ADGRL2: variants seen among roughly 807,000 people sequenced by gnomAD.
ADGRL2 encodes adhesion G protein-coupled receptor L2.
Under a neutral mutation model 157.4 loss-of-function variants are expected in ADGRL2, and 44 were observed. That is an observed-to-expected ratio of 0.28 (90% CI 0.22 to 0.36). The LOEUF (loss-of-function observed/expected upper bound fraction) is 0.36, where lower values mean the gene tolerates loss of function less well. Ranked by LOEUF, ADGRL2 falls within the 10% of genes least tolerant of loss-of-function variation. The pLI is 1.00. For missense variants in ADGRL2, 1,510 were observed against 1,768.9 expected (o/e 0.85, Z 2.63); for synonymous variants, 585 against 624.7 (o/e 0.94, Z 0.95).
At chr1:81,503,290 G>A in intron 2 of ADGRL2, 1 of 1,614,194 alleles carries the variant, frequency 6.2e-7, no homozygotes, top group Non-Finnish European at 8.5e-7. Flanking sequence ...GGACATCGAT[G>A]GCACCACCTA....
chr1:81,832,325 A>G (rs1044565917), intron 1 of ADGRL2, among the ~76,000 whole-genome samples: 2 of 152,064 alleles, frequency 1.3e-5, no homozygotes, highest in Admixed American at 6.6e-5. Context: ...GTGTATTTTT[A>G]GTAGAGACGG....
chr1:81,784,046 A>T (rs913543501), intron 2 of ADGRL2, among the ~76,000 whole-genome samples: 2 of 152,204 alleles, frequency 1.3e-5, no homozygotes, highest in East Asian at 3.8e-4. Context: ...ACAGCTTGAA[A>T]ATGATGAAGC....
chr1:81,659,651 C>T (rs2082612573), intron 3 of ADGRL2, among the ~76,000 whole-genome samples: 1 of 152,162 alleles, frequency 6.6e-6, no homozygotes, highest in African/African-American at 2.4e-5. Context: ...TGTGCAAAGA[C>T]ACTTAATAAG....
chr1:81,759,787 A>G (rs1233532592), intron 1 of ADGRL2, among the ~76,000 whole-genome samples: 1 of 152,098 alleles, frequency 6.6e-6, no homozygotes, highest in Non-Finnish European at 1.5e-5. Flanking sequence ...ATTTTGCTTT[A>G]TCTTTATTTT....
intron 2 of ADGRL2, among the ~76,000 whole-genome samples, chr1:81,787,966 A>T (rs1156273029): frequency 6.6e-6 from 1 of 152,196 alleles, no homozygotes; most frequent in African/African-American, 2.4e-5. Flanking sequence ...GAGCTCAAAC[A>T]TTAAAATGTT....
intron 2 of ADGRL2, among the ~76,000 whole-genome samples, chr1:81,881,398 G>A (rs748559159): frequency 2.6e-5 from 4 of 152,116 alleles, no homozygotes; most frequent in Non-Finnish European, 4.4e-5. Context: ...GGATGGTCTC[G>A]ATCTCCTGAC....
intron 2 of ADGRL2, among the ~76,000 whole-genome samples, chr1:81,904,422 G>T (rs577899557): frequency 6.6e-6 from 1 of 152,076 alleles, no homozygotes; most frequent in Non-Finnish European, 1.5e-5. Flanking sequence ...TGTTGCTATA[G>T]GAAAATACTC....
chr1:81,375,854 A>AT (rs749370702), intron 1 of ADGRL2, among the ~76,000 whole-genome samples: 6,723 of 148,974 alleles, frequency 0.045, 195 homozygotes, highest in Middle Eastern at 0.094. Flanking sequence ...GGATTTAATG[A>AT]TTTTTTTTTT....
chr1:81,351,884 G>C (rs2100838705), intron 1 of ADGRL2, among the ~76,000 whole-genome samples: 1 of 152,282 alleles, frequency 6.6e-6, no homozygotes, highest in Non-Finnish European at 1.5e-5. Context: ...CGGCTCCCTT[G>C]TTCTAAAATT....
At chr1:81,869,932 G>T (rs1437963166) in intron 2 of ADGRL2, among the ~76,000 whole-genome samples, 1 of 151,974 alleles carries the variant, frequency 6.6e-6, no homozygotes, top group Non-Finnish European at 1.5e-5. Flanking sequence ...TGTAAAATAT[G>T]TTTAATGGCT....
intron 3 of ADGRL2, among the ~76,000 whole-genome samples, chr1:81,604,828 AAG>A (rs1196581010): frequency 1.3e-5 from 2 of 152,160 alleles, no homozygotes; most frequent in Non-Finnish European, 2.9e-5. Flanking sequence ...AGAGAGGGGA[AAG>A]AGAGGATAGA....
At chr1:81,406,135 A>T (rs926872742) in intron 1 of ADGRL2, among the ~76,000 whole-genome samples, 1 of 152,230 alleles carries the variant, frequency 6.6e-6, no homozygotes, top group Non-Finnish European at 1.5e-5. Context: ...TAGCTGCAGT[A>T]TGAAAGATTT....
Position 81,490,130 on chromosome 1 carries a change from CTT to C in ADGRL2, c.-248+45057_-248+45058del, listed in dbSNP as rs59757979. 7.4e-3 allele frequency among the ~76,000 whole-genome samples: 982 copies of C among 132,418 alleles called. 10 individuals are homozygous for C. The highest frequency in any genetic ancestry group is 0.025 in the South Asian group (104 of 4,154). 86.9% of individuals were successfully genotyped at this position (132,418 alleles called of 152,430 possible). A position where few individuals can be genotyped will look rare whatever the true frequency, so the allele number is the denominator to read the frequency against. Reference sequence around the variant, plus strand: ...CATGATTTGAGCGACTTAACATATTCTTTTTTTTTTTTTTTTTCGAGACAGAG... The same window carrying C: ...CATGATTTGAGCGACTTAACATATTCTTTTTTTTTTTTTTTCGAGACAGAG... On this transcript the variant is annotated intron_variant, in intron 2 of 24. Coordinates refer to the ADGRL2 transcript ENST00000370721.
chr1:81,494,298 T>A (rs1448987570), intron 2 of ADGRL2, among the ~76,000 whole-genome samples: 2 of 152,122 alleles, frequency 1.3e-5, no homozygotes, highest in Non-Finnish European at 2.9e-5. Context: ...GTCCCATTTT[T>A]AAAATCTGGT....
At chr1:81,641,563 G>A (rs1421739122) in intron 3 of ADGRL2, among the ~76,000 whole-genome samples, 1 of 152,110 alleles carries the variant, frequency 6.6e-6, no homozygotes, top group Non-Finnish European at 1.5e-5. Flanking sequence ...GACTGAACAA[G>A]CACATTTCTA....
At chr1:81,367,547 A>C (rs1471385536) in intron 1 of ADGRL2, among the ~76,000 whole-genome samples, 1 of 151,994 alleles carries the variant, frequency 6.6e-6, no homozygotes, top group Non-Finnish European at 1.5e-5. Flanking sequence ...AAAGAACATG[A>C]CCTTGTTTCT....
intron 6 of ADGRL2, among the ~76,000 whole-genome samples, chr1:81,948,673 A>G (rs1650729198): frequency 6.6e-6 from 1 of 152,250 alleles, no homozygotes; most frequent in African/African-American, 2.4e-5. Context: ...CAAGATGTCA[A>G]GCAAGTGCTT....
chr1:81,363,150 T>TA (rs369353513), intron 1 of ADGRL2, among the ~76,000 whole-genome samples: 1 of 152,012 alleles, frequency 6.6e-6, no homozygotes, highest in East Asian at 1.9e-4. Flanking sequence ...ATTAGTCACA[T>TA]AAAAAAAGTT....
intron 1 of ADGRL2, among the ~76,000 whole-genome samples, chr1:81,320,819 C>T (rs985851275): frequency 2.6e-5 from 4 of 152,116 alleles, no homozygotes; most frequent in African/African-American, 7.2e-5. Context: ...TTCTTAAGGG[C>T]CCTAATGTTT....
Sources: allele counts gnomAD v4.1 joint callset (sites outside exome capture counted in the v4.1 genomes callset), GRCh38; gene constraint gnomAD v4.1.1; transcripts MANE v1.5; gene names NCBI Gene and HGNC (gene_info 2026-07-23, HGNC 2026-07-21).